Variants in ATG5 observed in about 807,000 individuals in gnomAD.
ATG5 encodes the protein autophagy related 5, also known as autophagy protein 5.
Under a neutral mutation model 36.5 loss-of-function variants are expected in ATG5, and 14 were observed. That is an observed-to-expected ratio of 0.38 (90% confidence interval 0.25 to 0.60). The LOEUF is 0.60. Among genes scored for constraint, ATG5 ranks in the 20% least tolerant of loss-of-function variants. The probability of loss-of-function intolerance (pLI) is 0.60; values close to 1 mark genes in which losing one functional copy is unlikely to be tolerated. For synonymous variants in ATG5, 95 were observed against 101.5 expected (o/e 0.94, Z 0.38); for missense variants, 195 against 326.7 (o/e 0.60, Z 3.11).
rs188872749 is a variant in ATG5, at chr6:106,267,642, A to C, written c.478+12019T>G. On this transcript the variant is annotated intron_variant, in intron 5 of 7. Coordinates refer to ENST00000369076, the MANE Select transcript of ATG5 (RefSeq NM_004849.4). ...GCATGGTACTGGTACCAAAACAGAT[A>C]TATAGACCAATGGAACAGAACAGAG... Among the ~76,000 whole-genome samples, 15 of 152,320 alleles carry C rather than the reference A, an allele frequency of 9.8e-5. No individual in the cohort carries two copies. The East Asian group carries it at 2.9e-3, about 29-fold the overall frequency.
chr6:106,269,320 C>G (rs1417753326), intron 5 of ATG5, among the ~76,000 whole-genome samples: 1 of 152,242 alleles, frequency 6.6e-6, no homozygotes, highest in Non-Finnish European at 1.5e-5. Flanking sequence ...CATAAAGGTT[C>G]TCCACGTCCC....
chr6:106,194,877 T>TA (rs1452242857), intron 7 of ATG5, among the ~76,000 whole-genome samples: 9 of 152,172 alleles, frequency 5.9e-5, no homozygotes, highest in Admixed American at 5.9e-4. Flanking sequence ...TTCTCCAAGG[T>TA]AAAAATAAAT....
intron 5 of ATG5, among the ~76,000 whole-genome samples, chr6:106,250,422 T>C (rs746543019): frequency 1.3e-5 from 2 of 152,190 alleles, no homozygotes; most frequent in Non-Finnish European, 2.9e-5. Flanking sequence ...TCACAGATGA[T>C]AACTAAGGCC....
At chr6:106,311,824 A>G (rs1282603711) in intron 2 of ATG5, among the ~76,000 whole-genome samples, 1 of 150,618 alleles carries the variant, frequency 6.6e-6, no homozygotes, top group Non-Finnish European at 1.5e-5. Flanking sequence ...GTGCAATTTG[A>G]TCTCCTTCTT....
intron 6 of ATG5, among the ~76,000 whole-genome samples, chr6:106,227,432 C>T (rs941392710): frequency 3.9e-5 from 6 of 152,182 alleles, no homozygotes; most frequent in Non-Finnish European, 8.8e-5. Flanking sequence ...TCTGTCTCTA[C>T]AAAGAATAAA....
At chr6:106,299,055 T>C (rs1272100952) in intron 3 of ATG5, among the ~76,000 whole-genome samples, 2 of 152,206 alleles carry the variant, frequency 1.3e-5, no homozygotes, top group Non-Finnish European at 2.9e-5. Context: ...ATTATGTTGC[T>C]ACTTCTACCA....
At position 106,246,950 on chromosome 6, in the gene ATG5, C is replaced by T. The variant is rs912022859; in HGVS notation, c.573+1200G>A. 2.6e-5 allele frequency among the ~76,000 whole-genome samples: 4 copies of T among 152,110 alleles called. No individual in the cohort carries two copies. In the South Asian group the frequency reaches 6.2e-4, roughly 24 times the overall value. On this transcript the variant is annotated intron_variant, in intron 6 of 7. Coordinates refer to ENST00000369076, the MANE Select transcript of ATG5 (RefSeq NM_004849.4). ...TAGAACCTGGACACAAAGCATGAAC[C>T]TAACAATAACCCCGCCTTCATGAAA...
intron 1 of ATG5, among the ~76,000 whole-genome samples, chr6:106,320,141 C>A: frequency 6.6e-6 from 1 of 152,216 alleles, no homozygotes; most frequent in East Asian, 1.9e-4. Flanking sequence ...TTAGAAGCCA[C>A]ATCCTAACTC....
At chr6:106,324,625 C>T (rs981960648) in intron 1 of ATG5, among the ~76,000 whole-genome samples, 3 of 152,214 alleles carry the variant, frequency 2.0e-5, no homozygotes, top group Non-Finnish European at 4.4e-5. Flanking sequence ...TAAATACACA[C>T]TTGAGGTGTG....
intron 1 of ATG5, among the ~76,000 whole-genome samples, chr6:106,322,427 G>A (rs1771120544): frequency 6.6e-6 from 1 of 152,142 alleles, no homozygotes; most frequent in African/African-American, 2.4e-5. Flanking sequence ...TATGCTGGCT[G>A]GTCTTCCTTT....
chr6:106,285,691 A>C (rs1339746667), intron 4 of ATG5, among the ~76,000 whole-genome samples: 1 of 152,238 alleles, frequency 6.6e-6, no homozygotes, highest in Non-Finnish European at 1.5e-5. Flanking sequence ...GTAGCCGCAA[A>C]GCAGTCATAG....
At chr6:106,285,043 T>C (rs1582653105) in intron 4 of ATG5, among the ~76,000 whole-genome samples, 1 of 152,180 alleles carries the variant, frequency 6.6e-6, no homozygotes, top group South Asian at 2.1e-4. Context: ...CTCCTCTCCT[T>C]GAATCCAATT....
At chr6:106,299,239 C>T (rs1165482846) in intron 3 of ATG5, among the ~76,000 whole-genome samples, 1 of 152,144 alleles carries the variant, frequency 6.6e-6, no homozygotes, top group East Asian at 1.9e-4. Flanking sequence ...ACACATTCTC[C>T]CGTATACTTT....
chr6:106,248,141 A>G lies in ATG5; in HGVS notation c.573+9T>C. On this transcript the variant is annotated intron_variant, in intron 6 of 7. Coordinates refer to ENST00000369076, the MANE Select transcript of ATG5 (RefSeq NM_004849.4). ...ATAAATGGATGTTTTTTAAAATGTT[A>G]TTTCCTACCTGATATATTCTAAAGG... 6.4e-7 allele frequency: 1 copy of G among 1,567,730 alleles called. No homozygotes were observed. The highest frequency in any genetic ancestry group is 2.2e-5 in the East Asian group (1 of 44,544).
intron 5 of ATG5, among the ~76,000 whole-genome samples, chr6:106,250,731 A>G (rs1156543121): frequency 6.6e-6 from 1 of 152,234 alleles, no homozygotes; most frequent in Non-Finnish European, 1.5e-5. Flanking sequence ...GTGCATGCAT[A>G]GTATGTGCTC....
chr6:106,287,063 A>G (rs939224424), intron 4 of ATG5, among the ~76,000 whole-genome samples: 1 of 152,254 alleles, frequency 6.6e-6, no homozygotes, highest in Non-Finnish European at 1.5e-5. Context: ...GATAACTAAT[A>G]CAACATACTA....
chr6:106,252,679 C>T (rs567617493), intron 5 of ATG5, among the ~76,000 whole-genome samples: 7 of 152,284 alleles, frequency 4.6e-5, no homozygotes, highest in Non-Finnish European at 8.8e-5. Flanking sequence ...AAATCCCCCA[C>T]GGGAGACATG....
At chr6:106,282,784 A>T (rs372950154) in intron 4 of ATG5, among the ~76,000 whole-genome samples, 1 of 151,922 alleles carries the variant, frequency 6.6e-6, no homozygotes, top group Non-Finnish European at 1.5e-5. Flanking sequence ...TGTGATTTAC[A>T]TGGATTGAGA....
At chr6:106,207,512 G>A (rs1057209870) in intron 6 of ATG5, among the ~76,000 whole-genome samples, 1 of 150,560 alleles carries the variant, frequency 6.6e-6, no homozygotes, top group African/African-American at 2.5e-5. Context: ...ACTCACCCGG[G>A]CAACACAGAG....
Sources: allele counts gnomAD v4.1 joint callset (sites outside exome capture counted in the v4.1 genomes callset), GRCh38; gene constraint gnomAD v4.1.1; transcripts MANE v1.5; gene names NCBI Gene and HGNC (gene_info 2026-07-23, HGNC 2026-07-21).